The following MYRFL variants were observed in gnomAD, a reference collection of about 807,000 sequenced individuals.
MYRFL encodes myelin regulatory factor like.
In MYRFL, 88 loss-of-function variants were observed where a neutral mutation model predicts 109.4. That is an observed-to-expected ratio of 0.80 (90% CI 0.68 to 0.96). The LOEUF is 0.96. MYRFL is among the 40% of genes least tolerant of loss of function. The probability of loss-of-function intolerance (pLI) is 0.00; values close to 1 mark genes in which losing one functional copy is unlikely to be tolerated. For synonymous variants in MYRFL, 324 were observed against 320.9 expected (o/e 1.01, Z -0.10); for missense variants, 957 against 954.9 (o/e 1.00, Z -0.03).
At position 69,868,814 on chromosome 12, in the gene MYRFL, C is replaced by A. The variant is rs1885160464; in HGVS notation, c.138-10214C>A. Among the ~76,000 whole-genome samples, 4 of 152,242 alleles carry A rather than the reference C, an allele frequency of 2.6e-5. No homozygotes were observed. In the South Asian group the frequency reaches 8.3e-4, roughly 31 times the overall value. The stretch of plus-strand genomic sequence containing the variant: ...CTGTCACAGTCTCCCCATTGGAGCA[C>A]TATGGAGTGCACATGTACACACACA... On this transcript the variant is annotated intron_variant, in intron 2 of 24. Coordinates refer to ENST00000552032, the MANE Select transcript of MYRFL (RefSeq NM_182530.3).
Position 69,903,777 on chromosome 12 carries a change from G to A in MYRFL, c.1316G>A (p.Gly439Asp). The A allele has an allele frequency of 1.3e-6, 2 of 1,535,698 alleles. No individual in the cohort carries two copies. The highest frequency in any genetic ancestry group is 1.7e-6 in the Non-Finnish European group (2 of 1,146,618). ...DAPDEALVVC[G>D]NMKVMGTIMH... ...CCGGACGAAGCCCTGGTTGTCTGTG[G>A]CAACATGAAAGTGATGGGGACCATC... is the stretch of plus-strand genomic sequence containing the variant. Residue 439 changes from glycine (G) to aspartate (D), a missense_variant, in exon 11 of 25, where the codon GGC (glycine) becomes GAC (aspartate). Physicochemically the swap from Gly to Asp is moderately conservative, Grantham distance 94 (BLOSUM62 -1). Transcript: ENST00000552032.
intron 13 of MYRFL, among the ~76,000 whole-genome samples, chr12:69,911,583 G>A (rs1434817348): frequency 2.0e-5 from 3 of 152,052 alleles, no homozygotes; most frequent in Non-Finnish European, 4.4e-5. Context: ...AGATTAGCTC[G>A]TCTTCATTTG....
At position 69,832,550 on chromosome 12, in the gene MYRFL, A is replaced by G. The variant is rs554504696; in HGVS notation, c.46+6987A>G. Among the ~76,000 whole-genome samples, 21 of 152,256 alleles carry G rather than the reference A, an allele frequency of 1.4e-4. 1 individual carries two copies. The South Asian group carries it at 4.2e-3, about 30-fold the overall frequency. ...GTTACTTGAGCTAAGACAATCAGGA[A>G]TGGTTTCTGAGGGGATGACATTCAA... is the stretch of plus-strand genomic sequence containing the variant. On this transcript the variant is annotated intron_variant, in intron 1 of 24. Coordinates refer to ENST00000552032, the MANE Select transcript of MYRFL (RefSeq NM_182530.3).
At position 69,958,293 on chromosome 12, in the gene MYRFL, C is replaced by T. The variant is rs1480971551; in HGVS notation, c.2616C>T (p.Asp872=). ...IWSLPVAPFS[D]SMFHFRVAAP... ...GCCTCCCTGTAGCCCCATTTTCTGA[C>T]AGCATGTTCCATTTCCGTGTAGCTG... is the stretch of plus-strand genomic sequence containing the variant. Residue 872 remains aspartate, a synonymous_variant, in exon 24 of 25, where the codon GAC becomes GAT. Coordinates refer to ENST00000552032, the MANE Select transcript of MYRFL (RefSeq NM_182530.3). 4 of 1,536,444 alleles carry T rather than the reference C, an allele frequency of 2.6e-6. No homozygotes were observed. The highest frequency in any genetic ancestry group is 2.7e-5 in the African/African-American group (2 of 73,046).
At chr12:69,842,435 T>C (rs1302310381) in intron 1 of MYRFL, among the ~76,000 whole-genome samples, 1 of 144,472 alleles carries the variant, frequency 6.9e-6, no homozygotes, top group African/African-American at 2.5e-5. Context: ...ATTGAATAGC[T>C]ATAATATTCT....
At chr12:69,957,534 G>A (rs987436523) in intron 22 of MYRFL, among the ~76,000 whole-genome samples, 1 of 152,034 alleles carries the variant, frequency 6.6e-6, no homozygotes, top group Non-Finnish European at 1.5e-5. Flanking sequence ...GAACCAGCCT[G>A]GGCAACATAG....
rs576257169 is a variant in MYRFL at position 69,887,946 on chromosome 12, A to T, written c.707+976A>T. ...TTTGAGGCTTGGCCTTCCTTAGATT[A>T]TCTTTTGGGGAACATTCCATGTTTT... On this transcript the variant is annotated intron_variant, in intron 6 of 24. Coordinates refer to ENST00000552032, the MANE Select transcript of MYRFL (RefSeq NM_182530.3). Among the ~76,000 whole-genome samples, 10 of 152,310 alleles carry T rather than the reference A, an allele frequency of 6.6e-5. No homozygotes were observed. In the East Asian group the frequency reaches 1.9e-3, roughly 29 times the overall value.
At chr12:69,887,025 A>C in intron 6 of MYRFL, 55 bp downstream of exon 6, 835 of 1,506,196 alleles carry the variant, frequency 5.5e-4, no homozygotes, top group Non-Finnish European at 6.7e-4. Flanking sequence ...GCTAAATCTC[A>C]GTACTGAGTT....
intron 19 of MYRFL, chr12:69,946,415 T>C (rs1197693743): frequency 6.6e-6 from 1 of 152,190 alleles, no homozygotes; most frequent in Admixed American, 6.5e-5. Context: ...CCAAAAACTT[T>C]TGGAAATTTA....
Position 69,932,416 on chromosome 12 carries a change from G to A in MYRFL, c.1831-97G>A, listed in dbSNP as rs7964219. 1.9e-4 allele frequency: 142 copies of A among 761,032 alleles called. 1 individual carries two copies. The highest frequency in any genetic ancestry group is 4.5e-4 in the African/African-American group (26 of 57,374). The allele number at this position is 761,032 out of a possible 1,614,324, so 47.1% of individuals were successfully genotyped here. A position where few individuals can be genotyped will look rare whatever the true frequency, so the allele number is the denominator to read the frequency against. On this transcript the variant is annotated intron_variant, in intron 15 of 24. Coordinates refer to ENST00000552032, the MANE Select transcript of MYRFL (RefSeq NM_182530.3). ...GGCAAGCACTCAAACTATCCCAAGA[G>A]AGCAGCAAATACCCCTGCTGGGAGC...
In MYRFL at chr12:69,909,937, G is replaced by A. The variant is rs764727244; in HGVS notation, c.1384-32G>A. 3.4e-5 allele frequency: 48 copies of A among 1,414,052 alleles called. 1 individual carries two copies. Among genetic ancestry groups the A allele is most frequent in the Middle Eastern group, 1.8e-4 (1 of 5,648 alleles). 87.6% of individuals were successfully genotyped at this position (1,414,052 alleles called of 1,614,324 possible). ...TAATTTGAATAGCAAATATCTATGC[G>A]AGTAAAATCTGCTCTTCTTTAATTA... is the stretch of plus-strand genomic sequence containing the variant. On this transcript the variant is annotated intron_variant, in intron 11 of 24. Transcript: ENST00000552032.
At chr12:69,882,661 A>G (rs566202541) in intron 5 of MYRFL, among the ~76,000 whole-genome samples, 2 of 152,304 alleles carry the variant, frequency 1.3e-5, no homozygotes, top group South Asian at 4.1e-4. Flanking sequence ...GCGTGGGCAA[A>G]TGTAAAATTT....
At chr12:69,860,737 T>A (rs544227455) in intron 2 of MYRFL, among the ~76,000 whole-genome samples, 1 of 152,184 alleles carries the variant, frequency 6.6e-6, no homozygotes, top group South Asian at 2.1e-4. Context: ...TTATTTTCTT[T>A]TTTTATTTTA....
At chr12:69,900,798 A>G (rs1954157410) in intron 10 of MYRFL, among the ~76,000 whole-genome samples, 1 of 152,130 alleles carries the variant, frequency 6.6e-6, no homozygotes, top group Non-Finnish European at 1.5e-5. Flanking sequence ...CTATTCCAAT[A>G]ACCTGCAGGG....
chr12:69,877,029 T>TC (rs1565988324), intron 2 of MYRFL, among the ~76,000 whole-genome samples: 5,114 of 111,740 alleles, frequency 0.046, 25 homozygotes, highest in South Asian at 0.052. Flanking sequence ...CTTTCTTTTT[T>TC]TTTTTTTTTT....
chr12:69,838,772 G>A (rs1422967472), intron 1 of MYRFL, among the ~76,000 whole-genome samples: 1 of 152,156 alleles, frequency 6.6e-6, no homozygotes, highest in Non-Finnish European at 1.5e-5. Flanking sequence ...AAAGGCCAGA[G>A]GATCATGCTT....
intron 15 of MYRFL, among the ~76,000 whole-genome samples, chr12:69,930,137 C>A (rs1298651864): frequency 2.0e-5 from 3 of 152,118 alleles, no homozygotes; most frequent in African/African-American, 7.2e-5. Flanking sequence ...GTCCTCTGTT[C>A]CTTGGGGACT....
At chr12:69,930,294 C>T (rs1955227670) in intron 15 of MYRFL, among the ~76,000 whole-genome samples, 1 of 152,120 alleles carries the variant, frequency 6.6e-6, no homozygotes, top group African/African-American at 2.4e-5. Flanking sequence ...GCCTTTACTT[C>T]CACACAGCTC....
chr12:69,946,629 T>C (rs772431171), intron 19 of MYRFL: 10 of 152,170 alleles, frequency 6.6e-5, no homozygotes, highest in Non-Finnish European at 1.3e-4. Context: ...CTATAGGAGA[T>C]ATGTTGCTTT....
Sources: allele counts gnomAD v4.1 joint callset (sites outside exome capture counted in the v4.1 genomes callset), GRCh38; gene constraint gnomAD v4.1.1; transcripts MANE v1.5; gene names NCBI Gene and HGNC (gene_info 2026-07-23, HGNC 2026-07-21).